The following SCN1A variants were observed in gnomAD, a reference collection of about 807,000 sequenced individuals.
SCN1A encodes sodium voltage-gated channel alpha subunit 1.
A neutral mutation model predicts 193.7 loss-of-function variants in SCN1A; 13 were observed. That is an observed-to-expected ratio of 0.07 (90% CI 0.04 to 0.11). The LOEUF (loss-of-function observed/expected upper bound fraction) is 0.11, where lower values mean the gene tolerates loss of function less well. Ranked by LOEUF, SCN1A falls within the 10% of genes least tolerant of loss-of-function variation. The pLI is 1.00. For synonymous variants in SCN1A, 781 were observed against 843.6 expected, an observed-to-expected ratio of 0.93 and a Z score of 1.29; for missense variants, 1,432 against 2,451.1, an observed-to-expected ratio of 0.58 and a Z score of 8.78.
chr2:166,121,175 G>A (rs1329420528), intron 2 of SCN1A, among the ~76,000 whole-genome samples: 1 of 151,206 alleles, frequency 6.6e-6, no homozygotes, highest in Non-Finnish European at 1.5e-5. Context: ...CAGTTGAGCT[G>A]ATTCATTCTA....
intron 7 of SCN1A, 186 bp from the exon 8 acceptor site, chr2:166,053,129 A>G: frequency 1.8e-6 from 2 of 1,130,684 alleles, no homozygotes; most frequent in Non-Finnish European, 2.7e-6. Context: ...TCTGTTACAA[A>G]CCTGTAGAAT....
intron 4 of SCN1A, 93 bp downstream of exon 4, chr2:166,073,265 T>C: frequency 6.9e-7 from 1 of 1,457,380 alleles, no homozygotes; most frequent in Non-Finnish European, 9.5e-7. Flanking sequence ...ATACTTAAGA[T>C]TTTGTGCTAA....
intron 1 of SCN1A, among the ~76,000 whole-genome samples, chr2:166,141,759 C>T (rs988209622): frequency 2.0e-5 from 3 of 149,898 alleles, no homozygotes; most frequent in Admixed American, 6.6e-5. Flanking sequence ...TCAAACAATG[C>T]GGATGTATAC....
At chr2:165,995,960 C>T (rs1689973381) in intron 27 of SCN1A, 53 bp downstream of exon 27, 1 of 1,195,620 alleles carries the variant, frequency 8.4e-7, no homozygotes, top group African/African-American at 1.5e-5. Context: ...GTGAGACAAG[C>T]ATGCAAGTTT....
chr2:166,120,598 T>C (rs74737078), intron 2 of SCN1A, among the ~76,000 whole-genome samples: 10 of 7,520 alleles, frequency 1.3e-3, no homozygotes, highest in Admixed American at 5.1e-3. Context: ...TCTTTTCTCT[T>C]TTTTTTTTTT....
Position 166,106,758 on chromosome 2 carries a change from T to C in SCN1A, c.-142+20166A>G, listed in dbSNP as rs539458360. ...CACGTTGCCAATGGTCCATTGCTAATGGTCCACATTGCTAATGATCGAAGT... is the reference window on the plus strand; with the variant it reads ...CACGTTGCCAATGGTCCATTGCTAACGGTCCACATTGCTAATGATCGAAGT... On this transcript the variant is annotated intron_variant, in intron 2 of 28. Transcript: ENST00000674923. 2.0e-5 allele frequency among the ~76,000 whole-genome samples: 3 copies of C among 152,336 alleles called. No homozygotes were observed. The South Asian group carries it at 6.2e-4, about 32-fold the overall frequency.
chr2:166,146,930 A>T (rs918553198), intron 1 of SCN1A, among the ~76,000 whole-genome samples: 1 of 152,222 alleles, frequency 6.6e-6, no homozygotes, highest in African/African-American at 2.4e-5. Flanking sequence ...GAACATAGAA[A>T]ATTTAATGAC....
chr2:166,104,007 C>T (rs112742625), intron 2 of SCN1A, among the ~76,000 whole-genome samples: 4 of 152,228 alleles, frequency 2.6e-5, no homozygotes, highest in African/African-American at 9.6e-5. Flanking sequence ...TATCTCTGTT[C>T]ATGGCATAGT....
chr2:166,121,274 T>G (rs1690567922), intron 2 of SCN1A, among the ~76,000 whole-genome samples: 1 of 152,352 alleles, frequency 6.6e-6, no homozygotes, highest in African/African-American at 2.4e-5. Context: ...TTTTTCAGTC[T>G]AGATTGTAGC....
rs143131314 is a variant in SCN1A, at chr2:166,143,795, C to T, written c.-50+5252G>A. On this transcript the variant is annotated intron_variant, in intron 1 of 26. Coordinates refer to the SCN1A transcript ENST00000635750. ...CTTTATGTGGAGGTTTCTCAAAAAA[C>T]TTTGAATAATTATTTTCTGAAATAA... 2.8e-4 allele frequency among the ~76,000 whole-genome samples: 42 copies of T among 152,212 alleles called. No homozygotes were observed. In the East Asian group the frequency reaches 6.2e-3, roughly 22 times the overall value.
intron 2 of SCN1A, among the ~76,000 whole-genome samples, chr2:166,089,420 C>T (rs756883676): frequency 6.6e-5 from 10 of 152,194 alleles, no homozygotes; most frequent in African/African-American, 7.2e-5. Context: ...AGTTAGCAAG[C>T]GCTTCCTTTT....
At chr2:166,131,879 T>C (rs971849969), upstream of SCN1A, among the ~76,000 whole-genome samples, 2 of 152,184 alleles carry the variant, frequency 1.3e-5, no homozygotes, top group African/African-American at 4.8e-5. Context: ...GCCAAAAATT[T>C]CCCAAAGTGA....
At chr2:166,074,965 C>T (rs866712496) in intron 3 of SCN1A, among the ~76,000 whole-genome samples, 9 of 152,084 alleles carry the variant, frequency 5.9e-5, no homozygotes, top group Non-Finnish European at 1.0e-4. Context: ...AAGTTTTCAG[C>T]GGTTCTTAGA....
intron 4 of SCN1A, 72 bp downstream of exon 4, chr2:166,073,286 G>A: frequency 6.4e-7 from 1 of 1,569,344 alleles, no homozygotes; most frequent in South Asian, 1.1e-5. Flanking sequence ...TTTGGCATGT[G>A]TTGGTGCTAC....
At chr2:166,116,908 G>C (rs897724829) in intron 2 of SCN1A, among the ~76,000 whole-genome samples, 2 of 152,136 alleles carry the variant, frequency 1.3e-5, no homozygotes, top group African/African-American at 4.8e-5. Context: ...ATGAGTGCTT[G>C]GCTAAGTTAT....
chr2:166,123,493 T>G (rs560090732), intron 2 of SCN1A: 1 of 152,168 alleles, frequency 6.6e-6, no homozygotes, highest in Non-Finnish European at 1.5e-5. Flanking sequence ...TTAAAAAAGT[T>G]TTTAGACAAG....
chr2:166,017,406 C>T (rs1011089997), intron 19 of SCN1A, among the ~76,000 whole-genome samples: 1 of 152,064 alleles, frequency 6.6e-6, no homozygotes, highest in Non-Finnish European at 1.5e-5. Context: ...TAGTGGCAGG[C>T]GTTAGTCACA....
chr2:166,147,078 G>A (rs992871567), intron 1 of SCN1A, among the ~76,000 whole-genome samples: 2 of 74,726 alleles, frequency 2.7e-5, no homozygotes, highest in Non-Finnish European at 4.9e-5. Context: ...AGATTGCCAG[G>A]ACCCATCCCT....
At chr2:166,039,341 A>T in intron 17 of SCN1A, 82 bp downstream of exon 17, 1 of 1,437,126 alleles carries the variant, frequency 7.0e-7, no homozygotes, top group South Asian at 1.2e-5. Flanking sequence ...GTTGTGTGGC[A>T]AAAAAACTAT....
Sources: allele counts gnomAD v4.1 joint callset (sites outside exome capture counted in the v4.1 genomes callset), GRCh38; gene constraint gnomAD v4.1.1; transcripts MANE v1.5; gene names NCBI Gene and HGNC (gene_info 2026-07-23, HGNC 2026-07-21).